The following THSD4 variants were observed in gnomAD, a reference collection of about 807,000 sequenced individuals.
THSD4 encodes the protein thrombospondin type 1 domain containing 4.
THSD4 carries 69 observed loss-of-function variants against 119.0 expected under a neutral mutation model. The ratio of observed to expected loss-of-function variants is 0.58; its 90% confidence interval spans 0.48 to 0.71. The LOEUF (loss-of-function observed/expected upper bound fraction) is 0.71. Ranked by LOEUF, THSD4 falls within the 30% of genes least tolerant of loss-of-function variation. The probability of loss-of-function intolerance (pLI) is 0.00; values close to 1 mark genes in which losing one functional copy is unlikely to be tolerated. For synonymous variants in THSD4, 524 were observed against 540.4 expected (o/e 0.97, Z 0.42); for missense variants, 1,393 against 1,391.1 (o/e 1.00, Z -0.02).
chr15:71,720,496 G>A (rs544912788), intron 8 of THSD4, among the ~76,000 whole-genome samples: 13 of 152,218 alleles, frequency 8.5e-5, no homozygotes, highest in South Asian at 2.1e-4. Context: ...GATTTCCGTT[G>A]GTGATAGAGT....
chr15:71,214,902 G>C (rs1289298315), intron 3 of THSD4, 133 bp from the exon 4 acceptor site: 1 of 1,191,864 alleles, frequency 8.4e-7, no homozygotes, highest in Non-Finnish European at 1.0e-6. Flanking sequence ...AGCCAGGCTG[G>C]ATTGTATTAA....
chr15:71,259,123 C>CA (rs1000794371), intron 6 of THSD4, among the ~76,000 whole-genome samples: 1 of 149,924 alleles, frequency 6.7e-6, no homozygotes, highest in Non-Finnish European at 1.5e-5. Context: ...CAAAAAAAAA[C>CA]AAAAAACAAA....
At chr15:71,450,909 G>A (rs955352921) in intron 7 of THSD4, among the ~76,000 whole-genome samples, 9 of 152,038 alleles carry the variant, frequency 5.9e-5, no homozygotes, top group Non-Finnish European at 7.4e-5. Context: ...CGGGCGTGGC[G>A]GCATACTCCT....
intron 7 of THSD4, among the ~76,000 whole-genome samples, chr15:71,509,674 G>A (rs565738787): frequency 2.2e-4 from 34 of 152,286 alleles, no homozygotes; most frequent in Non-Finnish European, 3.7e-4. Flanking sequence ...TCACCATACT[G>A]TATCTTGCAG....
chr15:71,149,468 C>T (rs1214279045), intron 2 of THSD4, among the ~76,000 whole-genome samples: 3 of 152,012 alleles, frequency 2.0e-5, no homozygotes, highest in African/African-American at 2.4e-5. Context: ...AGGCTGGTCT[C>T]GAACTTGTGA....
intron 7 of THSD4, among the ~76,000 whole-genome samples, chr15:71,602,049 G>A (rs2050020867): frequency 6.6e-6 from 1 of 152,184 alleles, no homozygotes; most frequent in Non-Finnish European, 1.5e-5. Flanking sequence ...GATCTTAAAT[G>A]TTGGGTTTGG....
intron 7 of THSD4, among the ~76,000 whole-genome samples, chr15:71,572,371 G>C (rs955356928): frequency 6.6e-6 from 1 of 152,192 alleles, no homozygotes; most frequent in Non-Finnish European, 1.5e-5. Context: ...TGGGATTGTA[G>C]ATTGTTTCTA....
rs145496028 is a variant in THSD4 at position 71,524,088 on chromosome 15, C to T, written c.1152+112265C>T. 2.1e-4 allele frequency among the ~76,000 whole-genome samples: 32 copies of T among 152,248 alleles called. No individual in the cohort carries two copies. In the East Asian group the frequency reaches 6.2e-3, roughly 29 times the overall value. ...ATTATCTTGAAGAACAAGTGGTCCACACACCTCTGAAAAATACTGCTCGAT... is the reference window on the plus strand; with the variant it reads ...ATTATCTTGAAGAACAAGTGGTCCATACACCTCTGAAAAATACTGCTCGAT... On this transcript the variant is annotated intron_variant, in intron 7 of 17. Coordinates refer to ENST00000261862, the MANE Select transcript of THSD4 (RefSeq NM_024817.3).
At chr15:71,230,742 C>T (rs560622305) in intron 4 of THSD4, among the ~76,000 whole-genome samples, 1 of 152,354 alleles carries the variant, frequency 6.6e-6, no homozygotes, top group Admixed American at 6.5e-5. Context: ...ATATCTTGCC[C>T]AGCACAAAAT....
At chr15:71,333,648 A>T (rs904982845) in intron 6 of THSD4, among the ~76,000 whole-genome samples, 1 of 152,174 alleles carries the variant, frequency 6.6e-6, no homozygotes, top group Non-Finnish European at 1.5e-5. Context: ...TTTTCCAAAA[A>T]TCGGCCAGAC....
chr15:71,130,478 G>A (rs1016631981), intron 1 of THSD4, among the ~76,000 whole-genome samples: 2 of 152,064 alleles, frequency 1.3e-5, no homozygotes, highest in Non-Finnish European at 1.5e-5. Flanking sequence ...GAGCCACTGC[G>A]CCCGGCCCTG....
chr15:71,286,203 T>C lies in THSD4; in HGVS notation c.1015+29488T>C, dbSNP rs1388918536. Among the ~76,000 whole-genome samples, 3 of 152,328 alleles carry C rather than the reference T, an allele frequency of 2.0e-5. No homozygotes were observed. In the East Asian group the frequency reaches 5.8e-4, roughly 29 times the overall value. ...TACATGTGCAGGATGTGTAGGTTTG[T>C]TACATAGCTAAATGTGCGTCATGGG... On this transcript the variant is annotated intron_variant, in intron 6 of 17. Coordinates refer to ENST00000261862, the MANE Select transcript of THSD4 (RefSeq NM_024817.3).
chr15:71,330,583 T>A (rs1032925570), intron 6 of THSD4, among the ~76,000 whole-genome samples: 13 of 152,154 alleles, frequency 8.5e-5, no homozygotes, highest in Non-Finnish European at 1.6e-4. Flanking sequence ...TTTCTATAGT[T>A]ACTATGAGGA....
chr15:71,310,433 A>G (rs1172869193), intron 6 of THSD4, among the ~76,000 whole-genome samples: 1 of 152,232 alleles, frequency 6.6e-6, no homozygotes, highest in African/African-American at 2.4e-5. Context: ...CTAAAGATAC[A>G]GGGAAAAGTG....
intron 7 of THSD4, among the ~76,000 whole-genome samples, chr15:71,446,733 G>A (rs1473464965): frequency 6.6e-6 from 1 of 152,038 alleles, no homozygotes; most frequent in African/African-American, 2.4e-5. Flanking sequence ...TTTTCTCTCT[G>A]CCAAACTCTG....
intron 6 of THSD4, among the ~76,000 whole-genome samples, chr15:71,366,149 C>T (rs1274881819): frequency 1.3e-5 from 2 of 152,140 alleles, no homozygotes; most frequent in Non-Finnish European, 2.9e-5. Context: ...TCTCGGCTCA[C>T]TGCAAGCTCT....
intron 6 of THSD4, among the ~76,000 whole-genome samples, chr15:71,330,080 T>G (rs1437821421): frequency 6.8e-6 from 1 of 146,496 alleles, no homozygotes; most frequent in Non-Finnish European, 1.5e-5. Flanking sequence ...AGACCTCGTC[T>G]CCAAAGGAAA....
chr15:71,200,768 T>C (rs1431558251), intron 3 of THSD4, among the ~76,000 whole-genome samples: 2 of 152,140 alleles, frequency 1.3e-5, no homozygotes, highest in African/African-American at 2.4e-5. Context: ...AAGTATACAA[T>C]TGAAATAAGA....
At chr15:71,167,186 A>T (rs1192934588) in intron 3 of THSD4, 1 of 152,216 alleles carries the variant, frequency 6.6e-6, no homozygotes, top group Non-Finnish European at 1.5e-5. Flanking sequence ...ACATCCATTT[A>T]TTCCTGCAAG....
Sources: gnomAD v4.1 joint callset for allele counts (sites outside exome capture counted in the v4.1 genomes callset) on GRCh38, gnomAD v4.1.1 for gene constraint, MANE v1.5 for transcripts, NCBI Gene and HGNC (gene_info 2026-07-23, HGNC 2026-07-21) for gene names.